PIGL: variants seen among roughly 807,000 people sequenced by gnomAD.
The protein encoded by PIGL is phosphatidylinositol glycan anchor biosynthesis class L, also known as N-acetylglucosaminyl-phosphatidylinositol de-N-acetylase.
PIGL carries 22 observed loss-of-function variants against 31.1 expected under a neutral mutation model. That is an observed-to-expected ratio of 0.71 (90% CI 0.51 to 1.01). The LOEUF (loss-of-function observed/expected upper bound fraction) is 1.01. Ranked by LOEUF, PIGL falls within the 50% of genes least tolerant of loss-of-function variation. PIGL has a pLI of 0.00. For missense variants in PIGL, 302 were observed against 315.9 expected (o/e 0.96, Z 0.33); for synonymous variants, 131 against 117.4 (o/e 1.12, Z -0.75).
chr17:16,234,096 A>G (rs1490759521), intron 2 of PIGL, 26 bp downstream of exon 2: 1 of 1,296,638 alleles, frequency 7.7e-7, no homozygotes, highest in African/African-American at 1.5e-5. Context: ...ACAATGTAGA[A>G]ATTTATTGGC....
rs553249771 is a variant in PIGL at position 16,277,237 on chromosome 17, A to G, written c.336-22651A>G. On this transcript the variant is annotated intron_variant, in intron 2 of 6. Transcript: ENST00000225609. Reference sequence around the variant, plus strand: ...TAAAGGAAAGAGTGTCATTCCAGTCAAAGCCTTGGTGAAAAAAAAGTTTCT... The same window carrying G: ...TAAAGGAAAGAGTGTCATTCCAGTCGAAGCCTTGGTGAAAAAAAAGTTTCT... 4.6e-5 allele frequency among the ~76,000 whole-genome samples: 7 copies of G among 152,194 alleles called. No homozygotes were observed. The South Asian group carries it at 6.2e-4, about 14-fold the overall frequency.
chr17:16,242,609 T>C (rs2092727379), intron 2 of PIGL, among the ~76,000 whole-genome samples: 1 of 151,732 alleles, frequency 6.6e-6, no homozygotes. Flanking sequence ...ATACAATCTT[T>C]CATGTTTTCA....
At chr17:16,291,703 G>A (rs976960454) in intron 2 of PIGL, among the ~76,000 whole-genome samples, 3 of 150,950 alleles carry the variant, frequency 2.0e-5, no homozygotes, top group Non-Finnish European at 4.4e-5. Context: ...CCTTCTCTAC[G>A]AAAGTACAAA....
chr17:16,302,763 A>G (rs889298460), intron 3 of PIGL, among the ~76,000 whole-genome samples: 2 of 145,160 alleles, frequency 1.4e-5, no homozygotes, highest in Non-Finnish European at 3.0e-5. Context: ...CCACGCCCAG[A>G]TAATTTTTGT....
intron 3 of PIGL, among the ~76,000 whole-genome samples, chr17:16,306,436 T>C (rs1428243225): frequency 6.6e-6 from 1 of 152,080 alleles, no homozygotes; most frequent in African/African-American, 2.4e-5. Context: ...AAAAGTAGAC[T>C]TTGATCTCCC....
intron 2 of PIGL, among the ~76,000 whole-genome samples, chr17:16,283,482 A>G (rs1316834263): frequency 1.3e-5 from 2 of 151,936 alleles, no homozygotes; most frequent in South Asian, 2.1e-4. Context: ...AAAAAAAGAT[A>G]TTTCTGAGGA....
intron 2 of PIGL, among the ~76,000 whole-genome samples, chr17:16,252,829 T>C (rs1354097037): frequency 6.6e-6 from 1 of 152,210 alleles, no homozygotes; most frequent in Non-Finnish European, 1.5e-5. Context: ...TGGGCTTCTT[T>C]CTGGAGGATG....
intron 2 of PIGL, among the ~76,000 whole-genome samples, chr17:16,256,333 G>T (rs977633925): frequency 1.3e-5 from 2 of 151,796 alleles, no homozygotes; most frequent in African/African-American, 4.8e-5. Context: ...GGGTTTTTTT[G>T]TTGTTTGTTT....
At chr17:16,228,147 G>C (rs1307282591) in intron 1 of PIGL, among the ~76,000 whole-genome samples, 1 of 150,406 alleles carries the variant, frequency 6.6e-6, no homozygotes, top group Non-Finnish European at 1.5e-5. Flanking sequence ...CGCCTCCCAG[G>C]TTCAAGCAAT....
At chr17:16,273,884 C>A (rs1041259628) in intron 2 of PIGL, among the ~76,000 whole-genome samples, 2 of 152,166 alleles carry the variant, frequency 1.3e-5, no homozygotes, top group African/African-American at 4.8e-5. Context: ...CTAAACTAAG[C>A]CATTGGAAAC....
chr17:16,311,486 A>ATTTTTTTTTTT (rs1568840853), intron 3 of PIGL, among the ~76,000 whole-genome samples: 39 of 10,238 alleles, frequency 3.8e-3, no homozygotes, highest in South Asian at 5.9e-3. Flanking sequence ...TTTTTTGATC[A>ATTTTTTTTTTT]TTCTTGGGTG....
Position 16,256,630 on chromosome 17 carries a change from G to A in PIGL, c.335+22560G>A, listed in dbSNP as rs191868345. Among the ~76,000 whole-genome samples the A allele has an allele frequency of 1.4e-3, 216 of 152,210 alleles. 2 individuals carry two copies. The highest frequency in any genetic ancestry group is 4.7e-3 in the African/African-American group (195 of 41,546). On this transcript the variant is annotated intron_variant, in intron 2 of 6. Transcript: ENST00000225609. The stretch of plus-strand genomic sequence containing the variant: ...CTCCCAAAGTGCTAGGATTACAGGC[G>A]TGAGCCACCGCGCCCAGCCGTTTTT...
chr17:16,278,187 C>A (rs1228129185), intron 2 of PIGL, among the ~76,000 whole-genome samples: 1 of 152,072 alleles, frequency 6.6e-6, no homozygotes, highest in African/African-American at 2.4e-5. Context: ...TACCGAGTAA[C>A]TGGGATTACA....
rs564715306 is a variant in PIGL, at chr17:16,257,168, G to C, written c.335+23098G>C. On this transcript the variant is annotated intron_variant, in intron 2 of 6. Transcript: ENST00000225609. ...ACGGTGGCTCATGCCTGTAATCCCA[G>C]CACTTTGGGAGACTGAGGCAGGTTG... is the stretch of plus-strand genomic sequence containing the variant. 9.7e-4 allele frequency among the ~76,000 whole-genome samples: 147 copies of C among 152,254 alleles called. 1 individual carries two copies. The highest frequency in any genetic ancestry group is 2.8e-4 in the Non-Finnish European group (19 of 68,016).
rs188052090 is a variant in PIGL, at chr17:16,224,725, C to T, written c.235+7264C>T. On this transcript the variant is annotated intron_variant, in intron 1 of 6. Transcript: ENST00000225609. ...AGGCTGGAGTGCAGTGGCGCAGTCT[C>T]GGCTCACTGCAACCTCCACCTCCCA... Among the ~76,000 whole-genome samples the T allele has an allele frequency of 1.6e-3, 246 of 151,836 alleles. 4 individuals are homozygous for T. The highest frequency in any genetic ancestry group is 5.7e-3 in the African/African-American group (235 of 41,394).
intron 2 of PIGL, among the ~76,000 whole-genome samples, chr17:16,246,402 C>T (rs2092747124): frequency 6.6e-6 from 1 of 151,222 alleles, no homozygotes; most frequent in Admixed American, 6.6e-5. Flanking sequence ...GTCCCAGCTA[C>T]TTGGGAGGCT....
At chr17:16,217,630 C>CACCCAA in intron 1 of PIGL, 169 bp downstream of exon 1, 3 of 540,656 alleles carry the variant, frequency 5.5e-6, no homozygotes, top group Admixed American at 3.5e-5. Context: ...GGCCGGCTTA[C>CACCCAA]CTGGTGGGTT....
intron 2 of PIGL, among the ~76,000 whole-genome samples, chr17:16,268,501 T>C (rs2092855263): frequency 6.6e-6 from 1 of 152,334 alleles, no homozygotes; most frequent in South Asian, 2.1e-4. Context: ...CAGACTGGAC[T>C]GCAATGGTGC....
chr17:16,303,592 G>C (rs2093014056), intron 3 of PIGL, among the ~76,000 whole-genome samples: 1 of 151,852 alleles, frequency 6.6e-6, no homozygotes, highest in African/African-American at 2.4e-5. Flanking sequence ...AGGCTGGAGT[G>C]CAGTGGCATG....
Sources: gnomAD v4.1 joint callset for allele counts (sites outside exome capture counted in the v4.1 genomes callset) on GRCh38, gnomAD v4.1.1 for gene constraint, MANE v1.5 for transcripts, NCBI Gene and HGNC (gene_info 2026-07-23, HGNC 2026-07-21) for gene names.